Variants in VTI1A observed in about 807,000 individuals in gnomAD.
VTI1A encodes the protein vesicle transport through interaction with t-SNAREs 1A.
VTI1A carries 22 observed loss-of-function variants against 34.9 expected under a neutral mutation model. The ratio of observed to expected loss-of-function variants is 0.63; its 90% confidence interval spans 0.45 to 0.90. The LOEUF is 0.90. VTI1A is among the 40% of genes least tolerant of loss of function. VTI1A has a pLI of 0.00. For missense variants in VTI1A, 268 were observed against 275.6 expected, an observed-to-expected ratio of 0.97 and a Z score of 0.20; for synonymous variants, 87 against 97.3, an observed-to-expected ratio of 0.89 and a Z score of 0.62.
At chr10:112,653,619 A>G (rs1048302107) in intron 5 of VTI1A, among the ~76,000 whole-genome samples, 1 of 152,222 alleles carries the variant, frequency 6.6e-6, no homozygotes, top group Non-Finnish European at 1.5e-5. Flanking sequence ...GGTGGTTGTG[A>G]AGATTAAATA....
At chr10:112,584,858 T>G (rs760955547) in intron 5 of VTI1A, among the ~76,000 whole-genome samples, 4 of 152,116 alleles carry the variant, frequency 2.6e-5, no homozygotes, top group Non-Finnish European at 5.9e-5. Context: ...TGGAGAGAGA[T>G]AGTGAGGGGC....
intron 7 of VTI1A, among the ~76,000 whole-genome samples, chr10:112,708,844 T>C (rs1451204318): frequency 6.6e-6 from 1 of 152,260 alleles, no homozygotes; most frequent in African/African-American, 2.4e-5. Flanking sequence ...GCCGTGAACA[T>C]TTCTTCTTGA....
At chr10:112,822,950 A>G (rs540211973), downstream of VTI1A, among the ~76,000 whole-genome samples, 8 of 152,124 alleles carry the variant, frequency 5.3e-5, no homozygotes, top group Non-Finnish European at 8.8e-5. Context: ...AAGTCAGAAA[A>G]CTATTTTCCT....
At chr10:112,752,675 T>C (rs982122961) in intron 7 of VTI1A, 1 of 604,492 alleles carries the variant, frequency 1.7e-6, no homozygotes, top group African/African-American at 2.0e-5. Flanking sequence ...GAATAGATGT[T>C]GCCTCCACTT....
intron 2 of VTI1A, 89 bp downstream of exon 2, chr10:112,460,671 T>C (rs1453376797): frequency 1.0e-6 from 1 of 994,606 alleles, no homozygotes. Context: ...ATTGTGGAAA[T>C]GTGAAGCATT....
chr10:112,530,087 C>T (rs1299481440), intron 4 of VTI1A, among the ~76,000 whole-genome samples: 1 of 152,076 alleles, frequency 6.6e-6, no homozygotes, highest in Non-Finnish European at 1.5e-5. Context: ...TAATGTCCCT[C>T]ATACAATACC....
At chr10:112,821,763 G>A (rs998583187), downstream of VTI1A, among the ~76,000 whole-genome samples, 4 of 152,222 alleles carry the variant, frequency 2.6e-5, no homozygotes, top group South Asian at 4.1e-4. Flanking sequence ...TTCAACAGAC[G>A]TGCATCAGCC....
At chr10:112,792,844 A>G (rs1053829944) in intron 7 of VTI1A, among the ~76,000 whole-genome samples, 3 of 152,202 alleles carry the variant, frequency 2.0e-5, no homozygotes, top group African/African-American at 7.2e-5. Flanking sequence ...AACACCCTGA[A>G]ATATTTTGCC....
At chr10:112,617,394 A>G (rs1185286369) in intron 5 of VTI1A, among the ~76,000 whole-genome samples, 1 of 152,166 alleles carries the variant, frequency 6.6e-6, no homozygotes, top group Non-Finnish European at 1.5e-5. Flanking sequence ...AGTACTTCAG[A>G]ATGGAGGAAA....
intron 3 of VTI1A, among the ~76,000 whole-genome samples, chr10:112,491,977 C>T (rs1848839426): frequency 6.6e-6 from 1 of 152,180 alleles, no homozygotes; most frequent in African/African-American, 2.4e-5. Flanking sequence ...GCCTGGATCC[C>T]CTGCCAGAGA....
rs922728316 is a variant in VTI1A, at chr10:112,447,251, C to A, written c.-123C>A. On this transcript the variant is annotated 5_prime_UTR_variant, in exon 1 of 8. Transcript: ENST00000393077. ...AAGCGGCTGGGTTGAGAGCTGTCCC[C>A]GGTTCTCCGTTCTGCTCTCGGGGGC... 6 of 1,028,832 alleles carry A rather than the reference C, an allele frequency of 5.8e-6. No homozygotes were observed. The African/African-American group carries it at 8.0e-5, about 14-fold the overall frequency. The allele number at this position is 1,028,832 out of a possible 1,614,324, so 63.7% of individuals were successfully genotyped here.
chr10:112,737,702 T>G (rs750283306), intron 7 of VTI1A: 193 of 1,057,488 alleles, frequency 1.8e-4, no homozygotes, highest in Non-Finnish European at 2.1e-4. Context: ...TCAAGGTCAC[T>G]GAGACCTACA....
rs374090529 is a variant in VTI1A, at chr10:112,811,488, A to G, written c.561-3802A>G. ...GGCGGGCGGATCACGAGGTCAGGAG[A>G]TAGAGACCACGGTGAAACCCCGTCT... On this transcript the variant is annotated intron_variant, in intron 7 of 7. Transcript: ENST00000393077. Among the ~76,000 whole-genome samples, 758 of 151,926 alleles carry G rather than the reference A, an allele frequency of 5.0e-3. 1 individual carries two copies. The highest frequency in any genetic ancestry group is 7.9e-3 in the Non-Finnish European group (537 of 67,912).
chr10:112,467,360 C>G (rs915361922), intron 3 of VTI1A, among the ~76,000 whole-genome samples: 6 of 152,046 alleles, frequency 3.9e-5, no homozygotes, highest in African/African-American at 1.4e-4. Context: ...AATTTATTCT[C>G]TAGGCCAGGG....
intron 5 of VTI1A, among the ~76,000 whole-genome samples, chr10:112,587,422 A>T (rs926818172): frequency 6.6e-6 from 1 of 152,204 alleles, no homozygotes; most frequent in Non-Finnish European, 1.5e-5. Flanking sequence ...GCATAAAAAA[A>T]TAAGTCAAAC....
chr10:112,666,546 G>A (rs753679437), intron 5 of VTI1A, among the ~76,000 whole-genome samples: 59 of 152,184 alleles, frequency 3.9e-4, no homozygotes, highest in Middle Eastern at 6.8e-3. Flanking sequence ...CCTGTACCTG[G>A]CACACAGTGG....
intron 7 of VTI1A, among the ~76,000 whole-genome samples, chr10:112,707,947 A>C (rs936713334): frequency 6.6e-6 from 1 of 152,226 alleles, no homozygotes; most frequent in African/African-American, 2.4e-5. Flanking sequence ...TAGCAGCTGC[A>C]GTCCTGGTTG....
intron 5 of VTI1A, among the ~76,000 whole-genome samples, chr10:112,611,309 T>G (rs1282419902): frequency 6.6e-6 from 1 of 152,236 alleles, no homozygotes; most frequent in Non-Finnish European, 1.5e-5. Flanking sequence ...ACTCTTTTTA[T>G]TGCCATTGTT....
chr10:112,469,552 C>A (rs368825447), intron 3 of VTI1A, among the ~76,000 whole-genome samples: 2 of 152,314 alleles, frequency 1.3e-5, no homozygotes, highest in East Asian at 3.9e-4. Context: ...TTGGTCCTTT[C>A]AGAGTTTATT....
Sources: gnomAD v4.1 joint callset for allele counts (sites outside exome capture counted in the v4.1 genomes callset) on GRCh38, gnomAD v4.1.1 for gene constraint, MANE v1.5 for transcripts, NCBI Gene and HGNC (gene_info 2026-07-23, HGNC 2026-07-21) for gene names.